Variants in SNTG1 observed in about 807,000 individuals in gnomAD.
The protein encoded by SNTG1 is syntrophin gamma 1, also known as gamma-1-syntrophin.
A neutral mutation model predicts 74.7 loss-of-function variants in SNTG1; 39 were observed. The ratio of observed to expected loss-of-function variants is 0.52; its 90% confidence interval spans 0.40 to 0.68. The LOEUF is 0.68. SNTG1 is among the 30% of genes least tolerant of loss of function. The pLI is 0.00. For synonymous variants in SNTG1, 254 were observed against 217.1 expected (o/e 1.17, Z -1.49); for missense variants, 685 against 609.5 (o/e 1.12, Z -1.30).
At chr8:49,921,196 C>G (rs561223664) in intron 1 of SNTG1, among the ~76,000 whole-genome samples, 2 of 151,882 alleles carry the variant, frequency 1.3e-5, no homozygotes, top group Non-Finnish European at 2.9e-5. Context: ...ACATAAATAT[C>G]TTTCAAAAGT....
intron 10 of SNTG1, among the ~76,000 whole-genome samples, chr8:50,533,631 A>C (rs1585600334): frequency 6.6e-6 from 1 of 152,228 alleles, no homozygotes; most frequent in African/African-American, 2.4e-5. Context: ...AAAATAAGTA[A>C]GGAGAAAAAT....
rs1554521050 is a variant in SNTG1, at chr8:50,422,277, A to ATCTG, written c.163-16263_163-16262insGTCT. 7.6e-3 allele frequency among the ~76,000 whole-genome samples: 1,147 copies of ATCTG among 151,694 alleles called. 8 individuals carry two copies. The highest frequency in any genetic ancestry group is 0.023 in the African/African-American group (963 of 41,348). ...CTATCTATCTATCTATCTACTATCT[A>ATCTG]TCTATCTATGTAGATAGGTAGATCA... On this transcript the variant is annotated intron_variant, in intron 4 of 18. Coordinates refer to ENST00000642720, the MANE Select transcript of SNTG1 (RefSeq NM_018967.5).
chr8:49,970,615 T>C (rs1052038436), intron 1 of SNTG1, among the ~76,000 whole-genome samples: 5 of 152,158 alleles, frequency 3.3e-5, no homozygotes, highest in Admixed American at 2.0e-4. Context: ...TGTCCTCTAT[T>C]CCATAAGATC....
intron 15 of SNTG1, among the ~76,000 whole-genome samples, chr8:50,663,620 G>A (rs111538741): frequency 0.013 from 2,041 of 152,204 alleles, 25 homozygotes; most frequent in Middle Eastern, 0.044. Flanking sequence ...CTGTAGTGGT[G>A]CATGGCTGGA....
chr8:50,783,145 G>T (rs571070038), intron 18 of SNTG1, among the ~76,000 whole-genome samples: 1 of 152,292 alleles, frequency 6.6e-6, no homozygotes, highest in African/African-American at 2.4e-5. Context: ...GGGGTCAGGG[G>T]TCAGGGACCC....
chr8:50,413,503 T>C (rs1238460502), intron 4 of SNTG1, among the ~76,000 whole-genome samples: 1 of 152,198 alleles, frequency 6.6e-6, no homozygotes, highest in East Asian at 1.9e-4. Flanking sequence ...GATTTCAGAA[T>C]CCATGCCCAT....
At chr8:50,725,580 T>C (rs950894253) in intron 17 of SNTG1, among the ~76,000 whole-genome samples, 1 of 152,170 alleles carries the variant, frequency 6.6e-6, no homozygotes, top group Non-Finnish European at 1.5e-5. Context: ...TTCCTGTCCA[T>C]ATTTTAAGTA....
chr8:50,243,002 C>T (rs994962912), intron 2 of SNTG1, among the ~76,000 whole-genome samples: 1 of 151,918 alleles, frequency 6.6e-6, no homozygotes, highest in Non-Finnish European at 1.5e-5. Flanking sequence ...GTTATTTCTA[C>T]TAAGGTTTTG....
rs1401140346 is a variant in SNTG1 at position 50,091,518 on chromosome 8, G to T, written c.-102-81043G>T. On this transcript the variant is annotated intron_variant, in intron 1 of 18. Transcript: ENST00000642720. ...ATGTCATTAACTTTTTTAGTTCCATGCATAAGTGAGATCATGCAGCATTGT... is the reference window on the plus strand; with the variant it reads ...ATGTCATTAACTTTTTTAGTTCCATTCATAAGTGAGATCATGCAGCATTGT... 2.0e-5 allele frequency among the ~76,000 whole-genome samples: 3 copies of T among 151,992 alleles called. 1 individual carries two copies. Among genetic ancestry groups the T allele is most frequent in the Non-Finnish European group, 4.4e-5 (3 of 67,990 alleles).
At chr8:50,718,392 G>A (rs887871585) in intron 17 of SNTG1, among the ~76,000 whole-genome samples, 2 of 152,164 alleles carry the variant, frequency 1.3e-5, no homozygotes, top group African/African-American at 4.8e-5. Context: ...GCCATGTAAC[G>A]CATAATGACT....
At chr8:50,319,044 A>G (rs1196339515) in intron 2 of SNTG1, among the ~76,000 whole-genome samples, 1 of 152,044 alleles carries the variant, frequency 6.6e-6, no homozygotes, top group Non-Finnish European at 1.5e-5. Context: ...GTGAGTATAT[A>G]TATCTATGTA....
intron 3 of SNTG1, among the ~76,000 whole-genome samples, chr8:50,397,427 C>A (rs1335692009): frequency 6.6e-6 from 1 of 152,168 alleles, no homozygotes. Context: ...GCAGCACCAA[C>A]CTGCAGCTGC....
chr8:50,043,620 C>G (rs1013195112), intron 1 of SNTG1, among the ~76,000 whole-genome samples: 1 of 152,120 alleles, frequency 6.6e-6, no homozygotes, highest in South Asian at 2.1e-4. Context: ...ATTAAGGGAC[C>G]CAGTGGACAG....
At chr8:50,009,986 ACT>A (rs1815616585) in intron 1 of SNTG1, among the ~76,000 whole-genome samples, 2 of 151,918 alleles carry the variant, frequency 1.3e-5, no homozygotes, top group African/African-American at 2.4e-5. Context: ...ACAGAGTGAG[ACT>A]CTGTCTAAAA....
At chr8:50,284,538 T>A (rs1236909691) in intron 2 of SNTG1, among the ~76,000 whole-genome samples, 3 of 152,134 alleles carry the variant, frequency 2.0e-5, no homozygotes. Context: ...TTTGCTGTTG[T>A]TGTTACTGTT....
At chr8:50,621,485 C>G (rs913293173) in intron 13 of SNTG1, among the ~76,000 whole-genome samples, 1 of 152,106 alleles carries the variant, frequency 6.6e-6, no homozygotes, top group East Asian at 1.9e-4. Flanking sequence ...TGTTTGATAG[C>G]CATTATTAGC....
intron 2 of SNTG1, among the ~76,000 whole-genome samples, chr8:50,359,984 A>G (rs1214496174): frequency 6.6e-6 from 1 of 152,166 alleles, no homozygotes; most frequent in East Asian, 1.9e-4. Flanking sequence ...TGTTAAAAAG[A>G]AAAGAACAAG....
rs189386049 is a variant in SNTG1, at chr8:50,578,652, T to C, written c.811-12227T>C. ...AGTTACCCTCATGCTGTTCTCATTA[T>C]AGCGAGTGAGTTCTCACAAGATCTG... On this transcript the variant is annotated intron_variant, in intron 12 of 18. Coordinates refer to ENST00000642720, the MANE Select transcript of SNTG1 (RefSeq NM_018967.5). 1.7e-3 allele frequency among the ~76,000 whole-genome samples: 256 copies of C among 152,308 alleles called. 2 individuals carry two copies. The highest frequency in any genetic ancestry group is 0.013 in the Admixed American group (206 of 15,300).
intron 2 of SNTG1, among the ~76,000 whole-genome samples, chr8:50,389,990 G>A (rs914041201): frequency 6.6e-6 from 1 of 152,118 alleles, no homozygotes; most frequent in South Asian, 2.1e-4. Flanking sequence ...TTAGCCCTTT[G>A]TCAGATGAGT....
Sources: gnomAD v4.1 joint callset for allele counts (sites outside exome capture counted in the v4.1 genomes callset) on GRCh38, gnomAD v4.1.1 for gene constraint, MANE v1.5 for transcripts, NCBI Gene and HGNC (gene_info 2026-07-23, HGNC 2026-07-21) for gene names.